Variants in NPHS1 observed in about 807,000 individuals in gnomAD.
NPHS1 encodes nephrin.
A neutral mutation model predicts 139.7 loss-of-function variants in NPHS1; 107 were observed. The observed-to-expected ratio is 0.77, with a 90% CI of 0.66 to 0.90. The LOEUF is 0.90. Among genes scored for constraint, NPHS1 ranks in the 40% least tolerant of loss-of-function variants. NPHS1 has a pLI of 0.00. For missense variants in NPHS1, 1,580 were observed against 1,654.2 expected (o/e 0.96, Z 0.78); for synonymous variants, 707 against 706.6 (o/e 1.00, Z -0.01).
chr19:35,842,368 G>A lies in NPHS1; in HGVS notation c.2506+11C>T, dbSNP rs759789643. On this transcript the variant is annotated intron_variant, in intron 18 of 28. Coordinates refer to ENST00000378910, the MANE Select transcript of NPHS1 (RefSeq NM_004646.4). ...GCAGGTCTTGAAGTCAGGTGTTTGG[G>A]TAATACCCACATCTGACAACAAGAC... The A allele has an allele frequency of 6.2e-7, 1 of 1,613,430 alleles. No individual in the cohort carries two copies. The highest frequency in any genetic ancestry group is 1.3e-5 in the African/African-American group (1 of 75,012).
At chr19:35,830,192 C>G (rs938891201) in intron 28 of NPHS1, among the ~76,000 whole-genome samples, 2 of 152,244 alleles carry the variant, frequency 1.3e-5, no homozygotes, top group Non-Finnish European at 2.9e-5. Flanking sequence ...TTCACAGCCT[C>G]CTTTGCCGTC....
chr19:35,851,407 G>A (rs868322797), intron 2 of NPHS1, 23 bp from the exon 3 acceptor site: 8 of 1,612,630 alleles, frequency 5.0e-6, no homozygotes, highest in African/African-American at 1.3e-5. Context: ...CCGGAAGTCA[G>A]GGCCGCAGCT....
In NPHS1 at chr19:35,844,141, TCA is replaced by T. The variant is rs386833906; in HGVS notation, c.2172_2173del (p.Glu725GlyfsTer25). 3 of 1,609,656 alleles carry T rather than the reference TCA, an allele frequency of 1.9e-6. No homozygotes were observed. The highest frequency in any genetic ancestry group is 2.2e-5 in the East Asian group (1 of 44,876). On this transcript the variant is annotated frameshift_variant, in exon 16 of 29. Transcript: ENST00000378910. LOFTEE classifies it high-confidence loss of function. ...CCGCAGCCGCGCTTCCGCGGTGCCC[TCA>T]GAGTTCTGGCAGTGCAGCTGATAGA...
Position 35,851,445 on chromosome 19 carries a change from C to T in NPHS1, c.274+12G>A. Reference sequence around the variant, plus strand: ...CGCTGGTGGCTGAGGGTCTCAGGCTCTGATCCCTTACCTCTAGCAGGGTCC... The same window carrying T: ...CGCTGGTGGCTGAGGGTCTCAGGCTTTGATCCCTTACCTCTAGCAGGGTCC... On this transcript the variant is annotated intron_variant, in intron 2 of 28. Transcript: ENST00000378910. 6.2e-7 allele frequency: 1 copy of T among 1,613,252 alleles called. No individual in the cohort carries two copies. The highest frequency in any genetic ancestry group is 8.5e-7 in the Non-Finnish European group (1 of 1,179,836).
chr19:35,844,142 C>T lies in NPHS1; in HGVS notation c.2173G>A (p.Glu725Lys), dbSNP rs1973101312. The T allele has an allele frequency of 6.2e-7, 1 of 1,609,732 alleles. No homozygotes were observed. The highest frequency in any genetic ancestry group is 1.7e-5 in the Admixed American group (1 of 60,032). Residue 725 changes from glutamate (E) to lysine (K), a missense_variant, in exon 16 of 29, where the codon GAG becomes AAG. Glu to Lys is a moderately conservative substitution (Grantham distance 56, BLOSUM62 1). Transcript: ENST00000378910. ...CGCAGCCGCGCTTCCGCGGTGCCCT[C>T]AGAGTTCTGGCAGTGCAGCTGATAG... ...GLYQLHCQNS[E>K]GTAEARLRLD...
Position 35,845,964 on chromosome 19 carries a change from T to TC in NPHS1, c.1627+43dup. ...TGGGTCCCTGCCCCACCTGGCTCTG[T>TC]CCCTCCCGCCCCGCCCCCGGGCCTC... On this transcript the variant is annotated intron_variant, in intron 12 of 28. Transcript: ENST00000378910. This position sits in a 1 kb window ranked among gnomAD's most constrained non-coding sequence, Gnocchi z 5.5. 1.0e-5 allele frequency: 16 copies of TC among 1,528,546 alleles called. No individual in the cohort carries two copies. Among genetic ancestry groups the TC allele is most frequent in the Non-Finnish European group, 1.2e-5 (14 of 1,129,308 alleles). The allele number at this position is 1,528,546 out of a possible 1,614,324, so 94.7% of individuals were successfully genotyped here. A position where few individuals can be genotyped will look rare whatever the true frequency, so the allele number is the denominator to read the frequency against.
Position 35,844,249 on chromosome 19 carries a change from G to C in NPHS1, c.2072-6C>G, listed in dbSNP as rs200253809. 18 of 1,613,468 alleles carry C rather than the reference G, an allele frequency of 1.1e-5. No individual in the cohort carries two copies. Among genetic ancestry groups the C allele is most frequent in the Admixed American group, 1.7e-5 (1 of 60,008 alleles). ...GCGATGCCGGGGGCCGCCCGCTGGG[G>C]AAGGCCAGAATAAGGGACCTGGCAG... is the stretch of plus-strand genomic sequence containing the variant. On this transcript the variant is annotated splice_region_variant and splice_polypyrimidine_tract_variant and intron_variant, in intron 15 of 28. Coordinates refer to ENST00000378910, the MANE Select transcript of NPHS1 (RefSeq NM_004646.4).
rs772028594 is a variant in NPHS1 at position 35,842,553 on chromosome 19, G to A, written c.2335-3C>T. 16 of 1,613,782 alleles carry A rather than the reference G, an allele frequency of 9.9e-6. No individual in the cohort carries two copies. The highest frequency in any genetic ancestry group is 1.4e-5 in the Non-Finnish European group (16 of 1,179,986). On this transcript the variant is annotated splice_polypyrimidine_tract_variant and splice_region_variant and intron_variant, in intron 17 of 28. Coordinates refer to ENST00000378910, the MANE Select transcript of NPHS1 (RefSeq NM_004646.4). ...CTCTGGTCCTCCTCATCTTCTCCCT[G>A]GAGGCCCAAGAGTCCAGAATTGGCC...
rs1973217786 is a variant in NPHS1, at chr19:35,850,280, G to A, written c.608+84C>T. ...TCCCAGATGTTCATACCTAGCCCAAGCTTCATGCTTGCATCCCTGGGGTCT... is the reference window on the plus strand; with the variant it reads ...TCCCAGATGTTCATACCTAGCCCAAACTTCATGCTTGCATCCCTGGGGTCT... On this transcript the variant is annotated intron_variant, in intron 5 of 28. Transcript: ENST00000378910. 5 of 1,078,998 alleles carry A rather than the reference G, an allele frequency of 4.6e-6. No individual in the cohort carries two copies. In the Admixed American group the frequency reaches 8.6e-5, roughly 19 times the overall value. The allele number at this position is 1,078,998 out of a possible 1,614,324, so 66.8% of individuals were successfully genotyped here. A position where few individuals can be genotyped will look rare whatever the true frequency, so the allele number is the denominator to read the frequency against.
At chr19:35,837,152 T>C (rs1286397165) in intron 22 of NPHS1, among the ~76,000 whole-genome samples, 2 of 152,136 alleles carry the variant, frequency 1.3e-5, no homozygotes, top group African/African-American at 2.4e-5. Flanking sequence ...AACTAAGAGG[T>C]AGCAGAGAGG....
chr19:35,835,353 G>A (rs1350933043), intron 23 of NPHS1, among the ~76,000 whole-genome samples: 1 of 131,822 alleles, frequency 7.6e-6, no homozygotes, highest in African/African-American at 2.9e-5. Context: ...AGGCTGGAGT[G>A]CAGTGGCTCA....
intron 20 of NPHS1, among the ~76,000 whole-genome samples, chr19:35,840,076 C>G (rs900221540): frequency 2.2e-4 from 33 of 150,976 alleles, no homozygotes; most frequent in African/African-American, 7.6e-4. Flanking sequence ...GCAATCTTGG[C>G]TCACTGCAAC....
rs1430464721 is a variant in NPHS1 at position 35,826,620 on chromosome 19, TC to T, written c.3619del (p.Glu1207LysfsTer30). 5 of 1,614,106 alleles carry T rather than the reference TC, an allele frequency of 3.1e-6. No homozygotes were observed. Among genetic ancestry groups the T allele is most frequent in the Non-Finnish European group, 4.2e-6 (5 of 1,180,014 alleles). ...QMGPWDLHWPEDTYQDPRGIY... is the reference protein window; with the variant it reads ...QMGPWDLHWPXDTYQDPRGIY... ...TCCTCTTGGATCCTGATATGTGTCT[TC>T]AGGCCAGTGGAGGTCCCAGGGTCCC... is the stretch of plus-strand genomic sequence containing the variant. On this transcript the variant is annotated frameshift_variant, in exon 29 of 29. Coordinates refer to ENST00000378910, the MANE Select transcript of NPHS1 (RefSeq NM_004646.4). LOFTEE classifies it high-confidence loss of function.
Position 35,845,488 on chromosome 19 carries a change from C to T in NPHS1, c.1810G>A (p.Ala604Thr). Reference sequence around the variant, plus strand: ...ACTTGCAGAAGGACGCTCCTGGCGGCGGCGGAGCCTTTGAATGGGGCTCTC... The same window carrying T: ...ACTTGCAGAAGGACGCTCCTGGCGGTGGCGGAGCCTTTGAATGGGGCTCTC... ...PRRAPFKGSA[A>T]ARSVLLQVSS... The change falls in exon 14 of 29, where the codon GCC (alanine) becomes ACC (threonine). Residue 604 changes from alanine to threonine, a missense_variant. Physicochemically the swap from Ala to Thr is moderately conservative, Grantham distance 58 (BLOSUM62 0). Transcript: ENST00000378910. This position sits in a 1 kb window ranked among gnomAD's most constrained non-coding sequence, Gnocchi z 5.5. 6.2e-7 allele frequency: 1 copy of T among 1,613,590 alleles called. No homozygotes were observed. The highest frequency in any genetic ancestry group is 1.1e-5 in the South Asian group (1 of 91,068).
Position 35,845,728 on chromosome 19 carries a change from T to C in NPHS1, c.1698A>G (p.Thr566=), listed in dbSNP as rs748014853. 3.7e-6 allele frequency: 6 copies of C among 1,614,004 alleles called. No homozygotes were observed. The East Asian group carries it at 6.7e-5, about 18-fold the overall frequency. Residue 566 remains threonine, a synonymous_variant, in exon 13 of 29, where the codon ACA becomes ACG. Transcript: ENST00000378910. This position sits in a 1 kb window ranked among gnomAD's most constrained non-coding sequence, Gnocchi z 5.5. ...ALRPGDALNL[T]CVSVSSNPPV... ...GCGGATTGCTGCTGACGCTGACGCA[T>C]GTCAAGTTTAAGGCGTCTCCCGGGC...
Position 35,844,216 on chromosome 19 carries a change from G to A in NPHS1, c.2099C>T (p.Ser700Phe). Residue 700 changes from serine (S) to phenylalanine (F), a missense_variant, in exon 16 of 29, where the codon TCC (serine) becomes TTC (phenylalanine). Coordinates refer to ENST00000378910, the MANE Select transcript of NPHS1 (RefSeq NM_004646.4). The part of the protein sequence containing the change: ...PAGGPRHRIL[S>F]SGALHLWNVT... ...ATTCCACAGATGCAGAGCCCCGCTG[G>A]ACAGGATGCGATGCCGGGGGCCGCC... The A allele has an allele frequency of 6.2e-7, 1 of 1,612,904 alleles. No homozygotes were observed. Among genetic ancestry groups the A allele is most frequent in the Non-Finnish European group, 8.5e-7 (1 of 1,179,934 alleles).
chr19:35,848,892 A>G, intron 8 of NPHS1, 84 bp downstream of exon 8: 1 of 1,610,890 alleles, frequency 6.2e-7, no homozygotes, highest in Non-Finnish European at 8.5e-7. Flanking sequence ...GATCTTTGGC[A>G]TCCAGTAGGC....
In NPHS1 at chr19:35,849,549, CA is replaced by C; in HGVS notation, c.712del (p.Phe238SerfsTer36). ...IKASFTVNVL[F>X]PPGPPVIEWP... ...CCTAGTTGGCCCAGTTCTCCACTTA[CA>C]CAGAACATTCACGGTGAATGAGGCC... On this transcript the variant is annotated frameshift_variant and splice_region_variant, in exon 6 of 29. Transcript: ENST00000378910. LOFTEE classifies it high-confidence loss of function. 6.2e-7 allele frequency: 1 copy of C among 1,613,068 alleles called. No homozygotes were observed. Among genetic ancestry groups the C allele is most frequent in the Non-Finnish European group, 8.5e-7 (1 of 1,179,054 alleles).
Position 35,851,663 on chromosome 19 carries a change from T to C in NPHS1, c.68A>G (p.Gln23Arg). The stretch of plus-strand genomic sequence containing the variant: ...GGGAACGGAGGCAGGAATCGCCAAC[T>C]GCGCCAGGCCTGAGGACACAGCGCG... ...LLGLLTEGLA[Q>R]LAIPASVPRG... The change falls in exon 2 of 29, where the codon CAG becomes CGG. Residue 23 changes from glutamine to arginine, a missense_variant. Transcript: ENST00000378910. The C allele has an allele frequency of 6.2e-7, 1 of 1,612,956 alleles. No individual in the cohort carries two copies.
Sources: allele counts gnomAD v4.1 joint callset (sites outside exome capture counted in the v4.1 genomes callset), GRCh38; gene constraint gnomAD v4.1.1; non-coding constraint Gnocchi (gnomAD v3.1); transcripts MANE v1.5; gene names NCBI Gene and HGNC (gene_info 2026-07-23, HGNC 2026-07-21).